KRT83: variants seen among roughly 807,000 people sequenced by gnomAD.
KRT83 encodes the protein keratin 83.
In KRT83, 51 loss-of-function variants were observed where a neutral mutation model predicts 52.9. The observed-to-expected ratio is 0.96, with a 90% confidence interval of 0.77 to 1.22. KRT83 has a LOEUF of 1.22. KRT83 is among the 50% of genes most tolerant of loss of function. The probability of loss-of-function intolerance (pLI) is 0.00; values close to 1 mark genes in which losing one functional copy is unlikely to be tolerated. For missense variants in KRT83, 654 were observed against 666.5 expected (o/e 0.98, Z 0.21); for synonymous variants, 278 against 274.1 (o/e 1.01, Z -0.14).
chr12:52,318,453 C>G (rs2857665), intron 2 of KRT83, among the ~76,000 whole-genome samples: 14,236 of 151,998 alleles, frequency 0.094, 699 homozygotes, highest in South Asian at 0.17. Context: ...AGGTCTCCAT[C>G]TTTTCTTCCT....
In KRT83 at chr12:52,316,547, C is replaced by A; in HGVS notation, c.962G>T (p.Arg321Leu). 2 of 1,614,152 alleles carry A rather than the reference C, an allele frequency of 1.2e-6. No individual in the cohort carries two copies. Among genetic ancestry groups the A allele is most frequent in the Non-Finnish European group, 8.5e-7 (1 of 1,180,026 alleles). ...ATVIRHGETL[R>L]RTKEEINELN... ...CTCGTTGATCTCCTCCTTGGTGCGG[C>A]GCAGGGTCTCCCCGTGCCTGATCAC... Residue 321 changes from arginine to leucine, a missense_variant, in exon 6 of 9, where the codon CGC (arginine) becomes CTC (leucine). Arg to Leu is a moderately radical substitution (Grantham distance 102, BLOSUM62 -2). Transcript: ENST00000293670.
At chr12:52,314,908 C>T (rs2121336669) in intron 8 of KRT83, 90 bp from the exon 9 acceptor site, 1 of 1,298,428 alleles carries the variant, frequency 7.7e-7, no homozygotes, top group Middle Eastern at 2.5e-4. Context: ...TGTCGACCAT[C>T]CAGGGAAGGA....
At chr12:52,316,684 C>T (rs1172620658) in intron 5 of KRT83, 91 bp from the exon 6 acceptor site, 35 of 1,606,216 alleles carry the variant, frequency 2.2e-5, no homozygotes, top group Admixed American at 1.9e-4. Flanking sequence ...GTGCAGTGCT[C>T]GGCCTGTGCA....
At position 52,321,282 on chromosome 12, in the gene KRT83, G is replaced by C. The variant is rs765840475; in HGVS notation, c.54C>G (p.Ser18Arg). The stretch of plus-strand genomic sequence containing the variant: ...GCCGGGGCCCGCAGGCAGAGACACA[G>C]CTGAAGTTTCCAGGGCGGAACCCAC... ...IGCGFRPGNFSCVSACGPRPS... is the reference protein window; with the variant it reads ...IGCGFRPGNFRCVSACGPRPS... The change falls in exon 1 of 9, where the codon AGC becomes AGG. Residue 18 changes from serine (S) to arginine (R), a missense_variant. Transcript: ENST00000293670. 1.2e-6 allele frequency: 2 copies of C among 1,613,642 alleles called. No homozygotes were observed. The highest frequency in any genetic ancestry group is 1.7e-6 in the Non-Finnish European group (2 of 1,180,044).
Position 52,321,270 on chromosome 12 carries a change from G to A in KRT83, c.66C>T (p.Ala22=), listed in dbSNP as rs1938767203. 6.2e-7 allele frequency: 1 copy of A among 1,613,570 alleles called. No individual in the cohort carries two copies. Among genetic ancestry groups the A allele is most frequent in the Non-Finnish European group, 8.5e-7 (1 of 1,180,018 alleles). Residue 22 remains alanine (A), a synonymous_variant, in exon 1 of 9, where the codon GCC becomes GCT. Transcript: ENST00000293670. ...FRPGNFSCVS[A]CGPRPSRCCI... ...AGCAGCGGCTTGGCCGGGGCCCGCAGGCAGAGACACAGCTGAAGTTTCCAG... is the reference window on the plus strand; with the variant it reads ...AGCAGCGGCTTGGCCGGGGCCCGCAAGCAGAGACACAGCTGAAGTTTCCAG...
intron 8 of KRT83, 63 bp from the exon 9 acceptor site, chr12:52,314,881 C>T (rs1938663449): frequency 1.4e-6 from 2 of 1,474,106 alleles, no homozygotes; most frequent in African/African-American, 1.4e-5. Context: ...AGCCACCTTC[C>T]TTTGGTCTGT....
intron 4 of KRT83, 120 bp downstream of exon 4, chr12:52,317,561 C>A (rs909519591): frequency 9.2e-6 from 11 of 1,197,592 alleles, no homozygotes; most frequent in African/African-American, 1.5e-5. Flanking sequence ...CCTGCCAACC[C>A]TCCAGCCGTG....
rs3741720 is a variant in KRT83, at chr12:52,315,438, T to C, written c.1263-95A>G. 182,654 of 1,262,490 alleles carry C rather than the reference T, an allele frequency of 0.14. 15,875 individuals are homozygous for C. The highest frequency in any genetic ancestry group is 0.39 in the East Asian group (16,782 of 43,008). 78.2% of individuals were successfully genotyped at this position (1,262,490 alleles called of 1,614,324 possible). ...GTGCTGAAATGGGTCATCTCAGGGCTATTTCTGACCTACATTTATTCCCTT... is the reference window on the plus strand; with the variant it reads ...GTGCTGAAATGGGTCATCTCAGGGCCATTTCTGACCTACATTTATTCCCTT... On this transcript the variant is annotated intron_variant, in intron 7 of 8. Coordinates refer to ENST00000293670, the MANE Select transcript of KRT83 (RefSeq NM_002282.3).
chr12:52,316,189 T>C, intron 6 of KRT83, 76 bp from the exon 7 acceptor site: 4 of 1,560,082 alleles, frequency 2.6e-6, no homozygotes, highest in Non-Finnish European at 3.5e-6. Flanking sequence ...TCCAATAGGA[T>C]CATTCAACTT....
rs763638437 is a variant in KRT83, at chr12:52,316,968, T to C, written c.806A>G (p.Asp269Gly). The C allele has an allele frequency of 3.7e-6, 6 of 1,614,042 alleles. No homozygotes were observed. The highest frequency in any genetic ancestry group is 4.2e-6 in the Non-Finnish European group (5 of 1,180,040). ...GTCCATGTTCAGGTCCCGGCTGTTG[T>C]CCAGCTTGACAACCACGGAGGTGTC... The part of the protein sequence containing the change: ...ISDTSVVVKL[D>G]NSRDLNMDCI... Residue 269 changes from aspartate to glycine, a missense_variant, in exon 5 of 9, where the codon GAC becomes GGC. Asp to Gly is a moderately conservative substitution (Grantham distance 94). Transcript: ENST00000293670.
At chr12:52,319,642 T>G (rs1298034458) in intron 1 of KRT83, among the ~76,000 whole-genome samples, 1 of 152,196 alleles carries the variant, frequency 6.6e-6, no homozygotes, top group African/African-American at 2.4e-5. Flanking sequence ...ATTGTGCCCT[T>G]GGATAAAGCA....
chr12:52,316,625 G>A (rs1446568132), intron 5 of KRT83, 32 bp from the exon 6 acceptor site: 1 of 1,614,148 alleles, frequency 6.2e-7, no homozygotes, highest in Non-Finnish European at 8.5e-7. Context: ...ATGAGGCTCA[G>A]GATGAGACAT....
Position 52,314,470 on chromosome 12 carries a change from G to T in KRT83, c.*161C>A. The T allele has an allele frequency of 1.4e-6, 1 of 718,432 alleles. No individual in the cohort carries two copies. Among genetic ancestry groups the T allele is most frequent in the Non-Finnish European group, 2.5e-6 (1 of 405,892 alleles). The allele number at this position is 718,432 out of a possible 1,614,324, so 44.5% of individuals were successfully genotyped here. A position where few individuals can be genotyped will look rare whatever the true frequency, so the allele number is the denominator to read the frequency against. On this transcript the variant is annotated 3_prime_UTR_variant, in exon 9 of 9. Coordinates refer to ENST00000293670, the MANE Select transcript of KRT83 (RefSeq NM_002282.3). ...CCCCAGCCACAGGCCCCTTTCCAGT[G>T]GGATGAAAGGTGGGGAGGAGCCGCT...
In KRT83 at chr12:52,316,544, C is replaced by T. The variant is rs758485277; in HGVS notation, c.965G>A (p.Arg322His). The T allele has an allele frequency of 4.6e-5, 75 of 1,614,036 alleles. No homozygotes were observed. The highest frequency in any genetic ancestry group is 1.6e-4 in the Middle Eastern group (1 of 6,084). ...CAGCTCGTTGATCTCCTCCTTGGTG[C>T]GGCGCAGGGTCTCCCCGTGCCTGAT... ...TVIRHGETLR[R>H]TKEEINELNR... The change falls in exon 6 of 9, where the codon CGC becomes CAC. Residue 322 changes from arginine to histidine, a missense_variant. Coordinates refer to ENST00000293670, the MANE Select transcript of KRT83 (RefSeq NM_002282.3).
intron 1 of KRT83, among the ~76,000 whole-genome samples, chr12:52,319,920 C>T (rs1048076760): frequency 6.6e-6 from 1 of 152,180 alleles, no homozygotes; most frequent in African/African-American, 2.4e-5. Context: ...CCTTATTTTA[C>T]TGATGAGGCC....
In KRT83 at chr12:52,316,841, G is replaced by A. The variant is rs1332275818; in HGVS notation, c.915+18C>T. The A allele has an allele frequency of 6.2e-7, 1 of 1,614,022 alleles. No individual in the cohort carries two copies. Among genetic ancestry groups the A allele is most frequent in the Non-Finnish European group, 8.5e-7 (1 of 1,180,008 alleles). ...TCCCACTGCCATGTCTAGCAGGCAG[G>A]TGTCCTGTGCCGCTCACCTTGCTGC... On this transcript the variant is annotated intron_variant, in intron 5 of 8. Transcript: ENST00000293670.
At chr12:52,315,650 G>A (rs1047757138) in intron 7 of KRT83, among the ~76,000 whole-genome samples, 2 of 152,226 alleles carry the variant, frequency 1.3e-5, no homozygotes, top group Non-Finnish European at 2.9e-5. Flanking sequence ...GAAGGAGAAG[G>A]CCCTCTTGGG....
chr12:52,316,615 A>G (rs1217063348), intron 5 of KRT83, 22 bp from the exon 6 acceptor site: 1 of 1,614,170 alleles, frequency 6.2e-7, no homozygotes, highest in Non-Finnish European at 8.5e-7. Flanking sequence ...AGAGATGTTC[A>G]TGAGGCTCAG....
rs762626931 is a variant in KRT83, at chr12:52,317,024, C to T, written c.751-1G>A. 2 of 1,614,196 alleles carry T rather than the reference C, an allele frequency of 1.2e-6. No individual in the cohort carries two copies. The highest frequency in any genetic ancestry group is 1.1e-5 in the South Asian group (1 of 91,080). ...TGTGGGATTGGAGAATGCGGATCTC[C>T]TGCAGGAGGTGGGGAAAGGAAGGAC... On this transcript the variant is annotated splice_acceptor_variant, in intron 4 of 8. Coordinates refer to ENST00000293670, the MANE Select transcript of KRT83 (RefSeq NM_002282.3). LOFTEE classifies it high-confidence loss of function.
Sources: allele counts gnomAD v4.1 joint callset (sites outside exome capture counted in the v4.1 genomes callset), GRCh38; gene constraint gnomAD v4.1.1; transcripts MANE v1.5; gene names NCBI Gene and HGNC (gene_info 2026-07-23, HGNC 2026-07-21).